HOMER1: variants seen among roughly 807,000 people sequenced by gnomAD.
HOMER1 encodes homer protein homolog 1.
In HOMER1, 3 loss-of-function variants were observed where a neutral mutation model predicts 48.9. The observed-to-expected ratio is 0.06, with a 90% CI of 0.03 to 0.16. HOMER1 has a LOEUF of 0.16. Ranked by LOEUF, HOMER1 falls within the 10% of genes least tolerant of loss-of-function variation. HOMER1 has a pLI of 1.00. For synonymous variants in HOMER1, 134 were observed against 146.4 expected (o/e 0.92, Z 0.61); for missense variants, 247 against 411.4 (o/e 0.60, Z 3.46).
intron 5 of HOMER1, among the ~76,000 whole-genome samples, chr5:79,427,817 T>A (rs148901926): frequency 7.1e-6 from 1 of 140,474 alleles, no homozygotes; most frequent in African/African-American, 3.1e-5. Flanking sequence ...TCCTTCCTTC[T>A]TTTCCTTCCT....
At chr5:79,416,621 A>G (rs1219133618) in intron 5 of HOMER1, among the ~76,000 whole-genome samples, 2 of 152,208 alleles carry the variant, frequency 1.3e-5, no homozygotes, top group Non-Finnish European at 2.9e-5. Context: ...ACACTGTAAC[A>G]TCTGCTAACA....
At chr5:79,421,583 C>T (rs1580439282) in intron 5 of HOMER1, among the ~76,000 whole-genome samples, 1 of 151,782 alleles carries the variant, frequency 6.6e-6, no homozygotes, top group East Asian at 1.9e-4. Flanking sequence ...TGAGCACACA[C>T]ACACACACTA....
chr5:79,428,435 T>C (rs1376662624), intron 5 of HOMER1, among the ~76,000 whole-genome samples: 1 of 152,194 alleles, frequency 6.6e-6, no homozygotes, highest in Non-Finnish European at 1.5e-5. Flanking sequence ...TACTACAGGT[T>C]CTAGCTAGAG....
At chr5:79,389,570 T>C (rs1046016046) in intron 8 of HOMER1, among the ~76,000 whole-genome samples, 3 of 152,304 alleles carry the variant, frequency 2.0e-5, no homozygotes, top group Middle Eastern at 3.4e-3. Context: ...CCCTCCAGTG[T>C]TGGTGGCTTG....
chr5:79,430,661 G>T (rs1037437085), intron 5 of HOMER1, among the ~76,000 whole-genome samples: 1 of 152,170 alleles, frequency 6.6e-6, no homozygotes, highest in African/African-American at 2.4e-5. Context: ...ACATGGTGCC[G>T]GGCGTGGTGG....
intron 1 of HOMER1, among the ~76,000 whole-genome samples, chr5:79,474,235 T>TTTTG (rs1751697239): frequency 2.1e-5 from 2 of 94,800 alleles, no homozygotes; most frequent in African/African-American, 5.2e-5. Context: ...TTTTTTTTTG[T>TTTTG]GGAGACGGGG....
chr5:79,384,183 CA>C (rs1417107032), intron 8 of HOMER1, among the ~76,000 whole-genome samples: 1 of 148,118 alleles, frequency 6.8e-6, no homozygotes, highest in Non-Finnish European at 1.5e-5. Flanking sequence ...AAACAAAGAC[CA>C]AAAAATAAAA....
chr5:79,416,608 T>G (rs1471720899), intron 5 of HOMER1, among the ~76,000 whole-genome samples: 2 of 152,224 alleles, frequency 1.3e-5, no homozygotes, highest in Non-Finnish European at 2.9e-5. Context: ...TGGAGATGGC[T>G]CCACACTGTA....
At chr5:79,500,115 A>C (rs1252433207) in intron 1 of HOMER1, among the ~76,000 whole-genome samples, 2 of 152,210 alleles carry the variant, frequency 1.3e-5, no homozygotes, top group African/African-American at 2.4e-5. Context: ...CATTGCAAAA[A>C]AGAAAATTTG....
chr5:79,510,613 C>A (rs1290622789), intron 1 of HOMER1: 8 of 858,102 alleles, frequency 9.3e-6, no homozygotes, highest in Non-Finnish European at 1.6e-5. Flanking sequence ...TGCAGGCTAA[C>A]AGTGCCAAGG....
chr5:79,399,759 A>C lies in HOMER1; in HGVS notation c.685-2122T>G, dbSNP rs1749485237. ...TTAAAAATGACTAGTCATTTTTCTG[A>C]AAAAACAGTAAAATGTAACTTATAA... On this transcript the variant is annotated intron_variant, in intron 6 of 8. Coordinates refer to ENST00000334082, the MANE Select transcript of HOMER1 (RefSeq NM_004272.5). Among the ~76,000 whole-genome samples the C allele has an allele frequency of 2.0e-5, 3 of 152,158 alleles. No homozygotes were observed. In the South Asian group the frequency reaches 6.2e-4, roughly 32 times the overall value.
At chr5:79,393,353 C>A (rs781550675) in intron 8 of HOMER1, among the ~76,000 whole-genome samples, 12 of 152,084 alleles carry the variant, frequency 7.9e-5, no homozygotes, top group Non-Finnish European at 8.8e-5. Flanking sequence ...AAATTAACAT[C>A]TGAACTAAGA....
intron 1 of HOMER1, among the ~76,000 whole-genome samples, chr5:79,476,263 T>C (rs1330943166): frequency 1.3e-5 from 2 of 152,094 alleles, no homozygotes; most frequent in East Asian, 3.9e-4. Context: ...ACTCAAGCCA[T>C]GTTTATTTTT....
intron 8 of HOMER1, among the ~76,000 whole-genome samples, chr5:79,391,150 T>C (rs797004389): frequency 1.6e-5 from 2 of 123,114 alleles, no homozygotes; most frequent in Non-Finnish European, 3.4e-5. Context: ...TTGTTTTTTT[T>C]TTTTTTGAGA....
chr5:79,453,049 CAAT>C (rs1282912551), intron 2 of HOMER1, among the ~76,000 whole-genome samples: 4 of 152,152 alleles, frequency 2.6e-5, no homozygotes, highest in South Asian at 2.1e-4. Flanking sequence ...TGAGCTACAA[CAAT>C]AAGAGGGGCA....
At chr5:79,431,710 C>G (rs1008816848) in intron 5 of HOMER1, among the ~76,000 whole-genome samples, 1 of 152,100 alleles carries the variant, frequency 6.6e-6, no homozygotes, top group Admixed American at 6.5e-5. Context: ...AATATACGGC[C>G]AAGCTAAACT....
intron 1 of HOMER1, among the ~76,000 whole-genome samples, chr5:79,512,412 T>C (rs1752968176): frequency 6.6e-6 from 1 of 152,234 alleles, no homozygotes; most frequent in African/African-American, 2.4e-5. Context: ...ACTGAGAGAA[T>C]GCAGTACTTC....
At chr5:79,489,211 AG>A (rs920049559) in intron 1 of HOMER1, among the ~76,000 whole-genome samples, 10 of 152,310 alleles carry the variant, frequency 6.6e-5, no homozygotes, top group African/African-American at 2.4e-4. Context: ...GGAGAGAGAG[AG>A]ATTTCAAAAT....
intron 5 of HOMER1, among the ~76,000 whole-genome samples, chr5:79,408,953 G>A (rs994014959): frequency 6.6e-6 from 1 of 151,434 alleles, no homozygotes; most frequent in Non-Finnish European, 1.5e-5. Flanking sequence ...GTGGTGGTGG[G>A]CGCCTGTAAT....
Sources: allele counts gnomAD v4.1 joint callset (sites outside exome capture counted in the v4.1 genomes callset), GRCh38; gene constraint gnomAD v4.1.1; transcripts MANE v1.5; gene names NCBI Gene and HGNC (gene_info 2026-07-23, HGNC 2026-07-21).